SNCAIP: variants seen among roughly 807,000 people sequenced by gnomAD.
SNCAIP encodes synuclein alpha interacting protein.
A neutral mutation model predicts 86.7 loss-of-function variants in SNCAIP; 43 were observed. The observed-to-expected ratio is 0.50, with a 90% confidence interval of 0.39 to 0.64. The LOEUF (loss-of-function observed/expected upper bound fraction) is 0.64, where lower values mean the gene tolerates loss of function less well. Among genes scored for constraint, SNCAIP ranks in the 30% least tolerant of loss-of-function variants. The probability of loss-of-function intolerance (pLI) is 0.00; values close to 1 mark genes in which losing one functional copy is unlikely to be tolerated. For missense variants in SNCAIP, 981 were observed against 1,103.1 expected (o/e 0.89, Z 1.57); for synonymous variants, 417 against 427.2 (o/e 0.98, Z 0.29).
Position 122,379,962 on chromosome 5 carries a change from T to A in SNCAIP, c.-46-11127T>A, listed in dbSNP as rs548075024. ...TTTGCCAGTATTTTATTGAGGATTTTTGCATCAATGTTCATCAAGGGTATT... is the reference window on the plus strand; with the variant it reads ...TTTGCCAGTATTTTATTGAGGATTTATGCATCAATGTTCATCAAGGGTATT... On this transcript the variant is annotated intron_variant, in intron 1 of 10. Transcript: ENST00000261368. 3.3e-5 allele frequency among the ~76,000 whole-genome samples: 5 copies of A among 152,138 alleles called. No individual in the cohort carries two copies. The East Asian group carries it at 9.6e-4, about 29-fold the overall frequency.
chr5:122,394,373 T>A (rs1770130468), intron 2 of SNCAIP, among the ~76,000 whole-genome samples: 1 of 152,210 alleles, frequency 6.6e-6, no homozygotes, highest in African/African-American at 2.4e-5. Flanking sequence ...TTATTTTGCC[T>A]TTACTTAATG....
chr5:122,389,553 T>C (rs895096943), intron 1 of SNCAIP: 2 of 152,222 alleles, frequency 1.3e-5, no homozygotes, highest in Non-Finnish European at 2.9e-5. Flanking sequence ...CTTTGTAAAT[T>C]GAAGAAAAGT....
chr5:122,395,840 A>G (rs1770494746), intron 2 of SNCAIP, among the ~76,000 whole-genome samples: 1 of 152,178 alleles, frequency 6.6e-6, no homozygotes, highest in Non-Finnish European at 1.5e-5. Context: ...CAAGGTACAA[A>G]GAACCTAGCC....
chr5:122,338,928 C>T (rs1757025306), intron 1 of SNCAIP, among the ~76,000 whole-genome samples: 1 of 152,102 alleles, frequency 6.6e-6, no homozygotes, highest in Non-Finnish European at 1.5e-5. Flanking sequence ...GCTATTAGTA[C>T]AAGGAGCTCT....
rs1481100877 is a variant in SNCAIP, at chr5:122,463,508, G to A, written c.*12G>A. ...CTGCTTAGGCATAATGACATCAATA[G>A]AAAAATGAAGAAATCCTACAGCATA... is the stretch of plus-strand genomic sequence containing the variant. On this transcript the variant is annotated 3_prime_UTR_variant, in exon 11 of 11. Transcript: ENST00000261368. 2.5e-6 allele frequency: 4 copies of A among 1,605,096 alleles called. No homozygotes were observed. In the South Asian group the frequency reaches 4.4e-5, roughly 18 times the overall value.
At chr5:122,418,347 C>G (rs529157142) in intron 3 of SNCAIP, among the ~76,000 whole-genome samples, 1 of 152,258 alleles carries the variant, frequency 6.6e-6, no homozygotes, top group Admixed American at 6.5e-5. Context: ...CCCAAGTCTA[C>G]CTCTGTTATT....
At chr5:122,455,022 A>G (rs1393474394) in intron 10 of SNCAIP, among the ~76,000 whole-genome samples, 1 of 152,228 alleles carries the variant, frequency 6.6e-6, no homozygotes, top group Non-Finnish European at 1.5e-5. Context: ...CACTGGCTTT[A>G]CTTATTAACA....
Position 122,361,899 on chromosome 5 carries a change from T to C in SNCAIP, c.-46-29190T>C, listed in dbSNP as rs73285574. Among the ~76,000 whole-genome samples the C allele has an allele frequency of 1.4e-3, 210 of 152,342 alleles. 1 individual carries two copies. Among genetic ancestry groups the C allele is most frequent in the African/African-American group, 4.9e-3 (203 of 41,592 alleles). On this transcript the variant is annotated intron_variant, in intron 1 of 10. Coordinates refer to ENST00000261368, the MANE Select transcript of SNCAIP (RefSeq NM_005460.4). The stretch of plus-strand genomic sequence containing the variant: ...AATCAGCTTTTAGCTATCTGTAAAA[T>C]TGGCCAGTAATGATTATGAAAGAAT...
chr5:122,448,543 TC>T (rs1782818951), intron 8 of SNCAIP, among the ~76,000 whole-genome samples: 2 of 146,180 alleles, frequency 1.4e-5, no homozygotes, highest in African/African-American at 5.0e-5. Flanking sequence ...TTGAAGTATA[TC>T]CTTCCATATT....
At position 122,425,531 on chromosome 5, in the gene SNCAIP, G is replaced by A. The variant is rs757873385; in HGVS notation, c.1182G>A (p.Lys394=). The change falls in exon 5 of 11, where the codon AAG becomes AAA. Residue 394 remains lysine, a splice_region_variant and synonymous_variant. Transcript: ENST00000261368. ...TGACTCCAGCAGGCCTGGCCATTAA[G>A]GTGACTGGTTGGGGGCTGGAACCTC... ...EKLTPAGLAI[K]NGQLECVRWM... The A allele has an allele frequency of 6.2e-7, 1 of 1,613,654 alleles. No homozygotes were observed. The highest frequency in any genetic ancestry group is 8.5e-7 in the Non-Finnish European group (1 of 1,179,648).
In SNCAIP at chr5:122,418,121, GGA is replaced by G. The variant is rs372827169; in HGVS notation, c.131-4743_131-4742del. On this transcript the variant is annotated intron_variant, in intron 3 of 10. Coordinates refer to ENST00000261368, the MANE Select transcript of SNCAIP (RefSeq NM_005460.4). ...AAAGTAAGAATAAGCTTAAATGCAG[GGA>G]GAGTATGGTATATCCAGAAAGGATG... Among the ~76,000 whole-genome samples the G allele has an allele frequency of 2.8e-3, 430 of 152,290 alleles. 2 individuals carry two copies. Among genetic ancestry groups the G allele is most frequent in the Non-Finnish European group, 4.6e-3 (312 of 68,026 alleles).
At chr5:122,327,172 A>G (rs570384603) in intron 1 of SNCAIP, among the ~76,000 whole-genome samples, 46 of 152,230 alleles carry the variant, frequency 3.0e-4, no homozygotes, top group Admixed American at 1.7e-3. Context: ...AGTCATTACT[A>G]TTCTAAATGA....
Position 122,422,997 on chromosome 5 carries a change from A to G in SNCAIP, c.260A>G (p.Glu87Gly), listed in dbSNP as rs1388256845. 6.2e-7 allele frequency: 1 copy of G among 1,614,048 alleles called. No individual in the cohort carries two copies. Among genetic ancestry groups the G allele is most frequent in the Non-Finnish European group, 8.5e-7 (1 of 1,180,032 alleles). The part of the protein sequence containing the change: ...KRVSPLKHQP[E>G]TLENNESDDQ... Reference sequence around the variant, plus strand: ...GTTTCGCCACTGAAACATCAGCCAGAGACTCTGGAGAACAATGAAAGTGAT... The same window carrying G: ...GTTTCGCCACTGAAACATCAGCCAGGGACTCTGGAGAACAATGAAAGTGAT... The change falls in exon 4 of 11, where the codon GAG becomes GGG. Residue 87 changes from glutamate (E) to glycine (G), a missense_variant. Glu to Gly is a moderately conservative substitution (Grantham distance 98). Transcript: ENST00000261368.
chr5:122,444,869 C>A, intron 8 of SNCAIP, 137 bp downstream of exon 8: 1 of 793,802 alleles, frequency 1.3e-6, no homozygotes, highest in Non-Finnish European at 2.2e-6. Flanking sequence ...TCTGTTCTTC[C>A]ATCCAAAGTC....
At chr5:122,384,978 C>T (rs1767791820) in intron 1 of SNCAIP, among the ~76,000 whole-genome samples, 1 of 152,176 alleles carries the variant, frequency 6.6e-6, no homozygotes, top group Non-Finnish European at 1.5e-5. Flanking sequence ...CCAGAATTCT[C>T]ACTTCCAGGC....
At chr5:122,356,479 CTG>C (rs754380321) in intron 1 of SNCAIP, among the ~76,000 whole-genome samples, 1 of 152,040 alleles carries the variant, frequency 6.6e-6, no homozygotes, top group Non-Finnish European at 1.5e-5. Context: ...TTTGATGAGA[CTG>C]AACTAATTGG....
chr5:122,385,045 C>A (rs1165338311), intron 1 of SNCAIP, among the ~76,000 whole-genome samples: 2 of 152,248 alleles, frequency 1.3e-5, no homozygotes, highest in African/African-American at 4.8e-5. Flanking sequence ...CCCAACCACT[C>A]CCTTCCCATT....
At chr5:122,382,126 C>T (rs2152818507) in intron 1 of SNCAIP, among the ~76,000 whole-genome samples, 1 of 152,292 alleles carries the variant, frequency 6.6e-6, no homozygotes, top group Non-Finnish European at 1.5e-5. Context: ...GGATAATATC[C>T]TGAAGAGTGT....
intron 1 of SNCAIP, among the ~76,000 whole-genome samples, chr5:122,376,298 ATG>A (rs1473150496): frequency 6.6e-6 from 1 of 152,152 alleles, no homozygotes; most frequent in Non-Finnish European, 1.5e-5. Context: ...CAGGGTTGTG[ATG>A]TGTTCCAAAC....
Sources: allele counts gnomAD v4.1 joint callset (sites outside exome capture counted in the v4.1 genomes callset), GRCh38; gene constraint gnomAD v4.1.1; transcripts MANE v1.5; gene names NCBI Gene and HGNC (gene_info 2026-07-23, HGNC 2026-07-21).